STIM1: variants seen among roughly 807,000 people sequenced by gnomAD.
The protein encoded by STIM1 is stromal interaction molecule 1.
Under a neutral mutation model 74.7 loss-of-function variants are expected in STIM1, and 25 were observed. The ratio of observed to expected loss-of-function variants is 0.33; its 90% confidence interval spans 0.24 to 0.47. The LOEUF is 0.47. Ranked by LOEUF, STIM1 falls within the 20% of genes least tolerant of loss-of-function variation. STIM1 has a pLI of 1.00. For synonymous variants in STIM1, 328 were observed against 348.8 expected (o/e 0.94, Z 0.66); for missense variants, 728 against 920.8 (o/e 0.79, Z 2.71).
chr11:4,077,813 A>G (rs546814034), intron 7 of STIM1, among the ~76,000 whole-genome samples: 1 of 152,274 alleles, frequency 6.6e-6, no homozygotes, highest in South Asian at 2.1e-4. Flanking sequence ...TAACCCATCC[A>G]GTGGGTTCCT....
intron 1 of STIM1, among the ~76,000 whole-genome samples, chr11:3,961,712 G>A (rs757204719): frequency 2.0e-4 from 31 of 152,072 alleles, no homozygotes; most frequent in Non-Finnish European, 3.5e-4. Context: ...GTTTCTCCAT[G>A]TTGGTCATGC....
intron 1 of STIM1, among the ~76,000 whole-genome samples, chr11:3,860,977 C>G (rs576314399): frequency 6.6e-6 from 1 of 152,014 alleles, no homozygotes. Context: ...GGGTTAAAAG[C>G]GATCTGTGTG....
At chr11:4,086,421 C>A in intron 11 of STIM1, 56 bp from the exon 12 acceptor site, 1 of 1,599,784 alleles carries the variant, frequency 6.3e-7, no homozygotes, top group South Asian at 1.1e-5. Flanking sequence ...CACCTCCTTA[C>A]CTGCCAGCCC....
chr11:3,968,942 C>G (rs1485046853), intron 2 of STIM1, among the ~76,000 whole-genome samples: 1 of 152,154 alleles, frequency 6.6e-6, no homozygotes, highest in African/African-American at 2.4e-5. Context: ...AAAGGTTAAG[C>G]ATTTTCTTCA....
intron 1 of STIM1, among the ~76,000 whole-genome samples, chr11:3,897,964 G>A (rs1404864592): frequency 2.0e-5 from 3 of 152,072 alleles, no homozygotes; most frequent in South Asian, 2.1e-4. Context: ...GAATAATGCC[G>A]CAATAAACAT....
chr11:4,015,078 T>C (rs927337755), intron 2 of STIM1, among the ~76,000 whole-genome samples: 1 of 152,232 alleles, frequency 6.6e-6, no homozygotes, highest in African/African-American at 2.4e-5. Flanking sequence ...AGGTGTGAAT[T>C]TGATCCTGTC....
chr11:4,008,869 G>A lies in STIM1; in HGVS notation c.271-15004G>A, dbSNP rs113053408. ...AGGAATTGATTTTTTTTTCATTGAC[G>A]TTATAAAGAAATGACATTGAAAGAA... On this transcript the variant is annotated intron_variant, in intron 2 of 12. Transcript: ENST00000526596. Among the ~76,000 whole-genome samples the A allele has an allele frequency of 7.7e-3, 1,169 of 152,186 alleles. 10 individuals carry two copies. Among genetic ancestry groups the A allele is most frequent in the African/African-American group, 0.026 (1,066 of 41,516 alleles).
At chr11:4,048,252 G>C (rs1353016033) in intron 3 of STIM1, among the ~76,000 whole-genome samples, 1 of 152,212 alleles carries the variant, frequency 6.6e-6, no homozygotes, top group Non-Finnish European at 1.5e-5. Flanking sequence ...CTTGAAGAAT[G>C]TACAAATTCC....
At chr11:3,988,029 T>A (rs2093573658) in intron 2 of STIM1, among the ~76,000 whole-genome samples, 1 of 152,216 alleles carries the variant, frequency 6.6e-6, no homozygotes, top group Non-Finnish European at 1.5e-5. Flanking sequence ...GAACACGTGA[T>A]GAGCTCTAAT....
chr11:3,904,004 C>G (rs1046237189), intron 1 of STIM1, among the ~76,000 whole-genome samples: 9 of 151,924 alleles, frequency 5.9e-5, no homozygotes, highest in African/African-American at 1.9e-4. Context: ...CGAGACCAGC[C>G]TGACCAATAT....
rs536102473 is a variant in STIM1 at position 3,974,910 on chromosome 11, C to T, written c.270+7228C>T. On this transcript the variant is annotated intron_variant, in intron 2 of 12. Coordinates refer to ENST00000526596, the MANE Select transcript of STIM1 (RefSeq NM_001382567.1). The stretch of plus-strand genomic sequence containing the variant: ...CAAGGGCCTACCTAAGACCATTGTC[C>T]CCTTGACTGGACCAGACTTTTTGAG... Among the ~76,000 whole-genome samples, 9 of 152,212 alleles carry T rather than the reference C, an allele frequency of 5.9e-5. No homozygotes were observed. The South Asian group carries it at 1.9e-3, about 32-fold the overall frequency.
chr11:3,932,495 TATTAA>T lies in STIM1; in HGVS notation c.140-35055_140-35051del, dbSNP rs1253120752. On this transcript the variant is annotated intron_variant, in intron 1 of 12. Coordinates refer to ENST00000526596, the MANE Select transcript of STIM1 (RefSeq NM_001382567.1). ...GGTTAACAGAGTGAAGCCCCGTCTC[TATTAA>T]AATTACAAAAAATCAGCCGGGCGTG... is the stretch of plus-strand genomic sequence containing the variant. 6.6e-5 allele frequency among the ~76,000 whole-genome samples: 10 copies of T among 151,996 alleles called. No individual in the cohort carries two copies. The East Asian group carries it at 1.7e-3, about 26-fold the overall frequency.
chr11:3,967,869 G>T (rs7112770), intron 2 of STIM1, among the ~76,000 whole-genome samples, 187 bp downstream of exon 2: 36 of 152,324 alleles, frequency 2.4e-4, no homozygotes, highest in African/African-American at 8.2e-4. Context: ...TCAGAGTGTA[G>T]GCTTTATGCT....
chr11:3,999,019 C>T (rs1207463133), intron 2 of STIM1, among the ~76,000 whole-genome samples: 1 of 152,172 alleles, frequency 6.6e-6, no homozygotes, highest in African/African-American at 2.4e-5. Flanking sequence ...AAATATACAT[C>T]AATGCATGAG....
At chr11:4,042,715 A>G (rs2094157601) in intron 3 of STIM1, among the ~76,000 whole-genome samples, 2 of 152,202 alleles carry the variant, frequency 1.3e-5, no homozygotes, top group Non-Finnish European at 2.9e-5. Context: ...TTCACATCTT[A>G]TAGCTCTTTG....
intron 5 of STIM1, among the ~76,000 whole-genome samples, chr11:4,068,339 C>T (rs1232736690): frequency 6.6e-6 from 1 of 152,134 alleles, no homozygotes; most frequent in Non-Finnish European, 1.5e-5. Context: ...GTGCTCGTTG[C>T]ATGGAGTCTT....
chr11:4,032,871 A>G lies in STIM1; in HGVS notation c.385+8884A>G, dbSNP rs1046730361. Among the ~76,000 whole-genome samples the G allele has an allele frequency of 2.6e-5, 4 of 152,234 alleles. 1 individual carries two copies. The highest frequency in any genetic ancestry group is 2.0e-4 in the Admixed American group (3 of 15,284). ...AAAATAATTTCTGATTGTTGCTTAT[A>G]TACAGAAATGTAATTGATTTTTATA... On this transcript the variant is annotated intron_variant, in intron 3 of 12. Coordinates refer to ENST00000526596, the MANE Select transcript of STIM1 (RefSeq NM_001382567.1).
intron 1 of STIM1, among the ~76,000 whole-genome samples, chr11:3,878,665 C>CAGAGTCATG (rs1175103814): frequency 6.6e-6 from 1 of 152,134 alleles, no homozygotes; most frequent in Non-Finnish European, 1.5e-5. Flanking sequence ...GATTCAAATG[C>CAGAGTCATG]AGAGTCATGA....
Position 3,969,610 on chromosome 11 carries a change from T to C in STIM1, c.270+1928T>C, listed in dbSNP as rs372814009. ...GAAGAGAAAAAATAGACTTCCTGTA[T>C]AAAAAGTAAAATTTGGATAGAATGG... On this transcript the variant is annotated intron_variant, in intron 2 of 12. Coordinates refer to ENST00000526596, the MANE Select transcript of STIM1 (RefSeq NM_001382567.1). Among the ~76,000 whole-genome samples the C allele has an allele frequency of 2.0e-5, 3 of 152,320 alleles. No homozygotes were observed. The East Asian group carries it at 5.8e-4, about 29-fold the overall frequency.
Sources: gnomAD v4.1 joint callset for allele counts (sites outside exome capture counted in the v4.1 genomes callset) on GRCh38, gnomAD v4.1.1 for gene constraint, MANE v1.5 for transcripts, NCBI Gene and HGNC (gene_info 2026-07-23, HGNC 2026-07-21) for gene names.